Variants in C6orf132 observed in about 807,000 individuals in gnomAD.
The protein encoded by C6orf132 is chromosome 6 open reading frame 132, also known as uncharacterized protein C6orf132.
Under a neutral mutation model 65.3 loss-of-function variants are expected in C6orf132, and 43 were observed. That is an observed-to-expected ratio of 0.66 (90% CI 0.52 to 0.85). The LOEUF (loss-of-function observed/expected upper bound fraction) is 0.85, where lower values mean the gene tolerates loss of function less well. C6orf132 is among the 40% of genes least tolerant of loss of function. C6orf132 has a pLI of 0.00. For missense variants in C6orf132, 1,488 were observed against 1,548.8 expected (o/e 0.96, Z 0.66); for synonymous variants, 631 against 654.1 (o/e 0.96, Z 0.54).
chr6:42,137,326 G>A (rs1234464533), intron 1 of C6orf132, among the ~76,000 whole-genome samples: 1 of 152,182 alleles, frequency 6.6e-6, no homozygotes, highest in Non-Finnish European at 1.5e-5. Flanking sequence ...ATACAATGGG[G>A]CGGCGGAGGG....
Position 42,106,383 on chromosome 6 carries a change from G to A in C6orf132, c.1529C>T (p.Pro510Leu), listed in dbSNP as rs1212705259. The change falls in exon 4 of 5, where the codon CCT becomes CTT. Residue 510 changes from proline (P) to leucine (L), a missense_variant. By Grantham distance (98) the Pro-to-Leu change is moderately conservative. Transcript: ENST00000341865. The part of the protein sequence containing the change: ...SKEGKKGPRL[P>L]EKETLLSLPA... ...CAGGCTCAGGAGAGTCTCCTTCTCA[G>A]GCAGGCGGGGGCCCTTCTTGCCCTC... is the stretch of plus-strand genomic sequence containing the variant. 2.6e-6 allele frequency: 4 copies of A among 1,535,926 alleles called. No individual in the cohort carries two copies. In the South Asian group the frequency reaches 4.8e-5, roughly 18 times the overall value.
chr6:42,120,337 C>T (rs1426920159), intron 2 of C6orf132, among the ~76,000 whole-genome samples: 25 of 150,060 alleles, frequency 1.7e-4, no homozygotes. Context: ...AGCTCCGCCT[C>T]CCGGGTTCAT....
At chr6:42,118,868 A>T (rs1400860747) in intron 2 of C6orf132, among the ~76,000 whole-genome samples, 1 of 113,202 alleles carries the variant, frequency 8.8e-6, no homozygotes, top group African/African-American at 3.5e-5. Flanking sequence ...CAGCCCTTTA[A>T]TTTTTTTTTT....
At chr6:42,107,650 A>AC (rs1766435853) in intron 3 of C6orf132, 67 bp from the exon 4 acceptor site, 4 of 1,544,586 alleles carry the variant, frequency 2.6e-6, no homozygotes, top group Non-Finnish European at 2.6e-6. Flanking sequence ...ATTTCTGTTT[A>AC]CCCAGGGCAG....
Position 42,104,326 on chromosome 6 carries a change from C to G in C6orf132, c.3449+137G>C. On this transcript the variant is annotated intron_variant, in intron 4 of 4. Transcript: ENST00000341865. This position sits in a 1 kb window ranked among gnomAD's most constrained non-coding sequence, Gnocchi z 4.1. ...CAGCGCCCTCTCCCGGTAAGTGGGC[C>G]TCCCTCCCGCGTTCTACCTGCAAGG... The G allele has an allele frequency of 1.6e-6, 2 of 1,216,384 alleles. No homozygotes were observed. The highest frequency in any genetic ancestry group is 2.0e-6 in the Non-Finnish European group (2 of 976,526). 75.3% of individuals were successfully genotyped at this position (1,216,384 alleles called of 1,614,324 possible). A position where few individuals can be genotyped will look rare whatever the true frequency, so the allele number is the denominator to read the frequency against.
At position 42,106,657 on chromosome 6, in the gene C6orf132, A is replaced by G; in HGVS notation, c.1255T>C (p.Cys419Arg). The stretch of plus-strand genomic sequence containing the variant: ...GGTGGATGGGCTGCCTTCTGAGCAC[A>G]GGGCAAAGGAGGTGCAGCTGGGGGA... ...PLPPAAPPLP[C>R]AQKAAHPPAG... Residue 419 changes from cysteine (C) to arginine (R), a missense_variant, in exon 4 of 5, where the codon TGT (cysteine) becomes CGT (arginine). By Grantham distance (180) the Cys-to-Arg change is radical (BLOSUM62 -3). Transcript: ENST00000341865. The G allele has an allele frequency of 7.2e-7, 1 of 1,390,734 alleles. No individual in the cohort carries two copies. Among genetic ancestry groups the G allele is most frequent in the South Asian group, 1.2e-5 (1 of 81,964 alleles). 86.1% of individuals were successfully genotyped at this position (1,390,734 alleles called of 1,614,324 possible).
rs1156356191 is a variant in C6orf132, at chr6:42,119,248, CAAAAAAAAAAAAAAA to C, written c.253-8972_253-8958del. Among the ~76,000 whole-genome samples, 3 of 44,774 alleles carry C rather than the reference CAAAAAAAAAAAAAAA, an allele frequency of 6.7e-5. No homozygotes were observed. In the East Asian group the frequency reaches 2.5e-3, roughly 37 times the overall value. 29.4% of individuals were successfully genotyped at this position (44,774 alleles called of 152,430 possible). A position where few individuals can be genotyped will look rare whatever the true frequency, so the allele number is the denominator to read the frequency against. On this transcript the variant is annotated intron_variant, in intron 2 of 4. Transcript: ENST00000341865. ...TGGGCACAAGAGCAAGACTCTGTCT[CAAAAAAAAAAAAAAA>C]AAAAAAAAAAAAGGGAGAATTCCTG... is the stretch of plus-strand genomic sequence containing the variant.
chr6:42,104,463 C>T lies in C6orf132; in HGVS notation c.3449G>A (p.Arg1150Lys). The T allele has an allele frequency of 8.1e-7, 1 of 1,230,974 alleles. No homozygotes were observed. Among genetic ancestry groups the T allele is most frequent in the Non-Finnish European group, 1.0e-6 (1 of 987,570 alleles). 76.3% of individuals were successfully genotyped at this position (1,230,974 alleles called of 1,614,324 possible). ...CGCACCAGCCGGGCCCGCAGCTCACCTGCCGGCAGCTGGGGCGAAGCCGTA... is the reference window on the plus strand; with the variant it reads ...CGCACCAGCCGGGCCCGCAGCTCACTTGCCGGCAGCTGGGGCGAAGCCGTA... ...ADYGFAPAAG[R>K]SPYTTTRYGS... Residue 1150 changes from arginine to lysine, a missense_variant and splice_region_variant, in exon 4 of 5, where the codon AGG (arginine) becomes AAG (lysine). By Grantham distance (26) the Arg-to-Lys change is conservative. Transcript: ENST00000341865. This position sits in a 1 kb window ranked among gnomAD's most constrained non-coding sequence, Gnocchi z 4.1.
chr6:42,107,409 G>T lies in C6orf132; in HGVS notation c.503C>A (p.Ser168Tyr). ...CAGGGGAGGTGGTGGGGGTGCTGTG[G>T]AAGGTGGAGATGGCAGTGGCGACCC... is the stretch of plus-strand genomic sequence containing the variant. ...PGGSPLPSPP[S>Y]TAPPPPPLLL... Residue 168 changes from serine to tyrosine, a missense_variant, in exon 4 of 5, where the codon TCC becomes TAC. Coordinates refer to ENST00000341865, the MANE Select transcript of C6orf132 (RefSeq NM_001164446.3). 1 of 1,462,232 alleles carries T rather than the reference G, an allele frequency of 6.8e-7. No homozygotes were observed. Among genetic ancestry groups the T allele is most frequent in the Non-Finnish European group, 9.2e-7 (1 of 1,085,444 alleles). 90.6% of individuals were successfully genotyped at this position (1,462,232 alleles called of 1,614,324 possible).
intron 2 of C6orf132, among the ~76,000 whole-genome samples, chr6:42,127,514 G>C (rs1252206252): frequency 1.3e-5 from 2 of 152,202 alleles, no homozygotes; most frequent in Non-Finnish European, 2.9e-5. Flanking sequence ...CAGGCAGGCA[G>C]TGCTAGGCAG....
intron 2 of C6orf132, among the ~76,000 whole-genome samples, chr6:42,128,122 T>C (rs1178368942): frequency 6.6e-6 from 1 of 151,592 alleles, no homozygotes; most frequent in Non-Finnish European, 1.5e-5. Flanking sequence ...GAGACAGGGT[T>C]TCACCGTGTT....
Position 42,107,105 on chromosome 6 carries a change from T to C in C6orf132, c.807A>G (p.Ala269=). 2 of 1,455,520 alleles carry C rather than the reference T, an allele frequency of 1.4e-6. No homozygotes were observed. Among genetic ancestry groups the C allele is most frequent in the Non-Finnish European group, 1.8e-6 (2 of 1,107,680 alleles). 90.2% of individuals were successfully genotyped at this position (1,455,520 alleles called of 1,614,324 possible). The change falls in exon 4 of 5, where the codon GCA becomes GCG. Residue 269 remains alanine, a synonymous_variant. Coordinates refer to ENST00000341865, the MANE Select transcript of C6orf132 (RefSeq NM_001164446.3). The stretch of plus-strand genomic sequence containing the variant: ...TCGGGGGGCTGGCTCTGGTGGCCTC[T>C]GCCTGCCTGCCATTCAGTGCTACAT... ...KSDVALNGRQ[A]EATRASPPRS...
intron 3 of C6orf132, among the ~76,000 whole-genome samples, chr6:42,109,144 G>A (rs1766459236): frequency 6.6e-6 from 1 of 152,064 alleles, no homozygotes; most frequent in Non-Finnish European, 1.5e-5. Flanking sequence ...AATTTAAATA[G>A]GGCAGTCCGG....
In C6orf132 at chr6:42,107,507, C is replaced by T; in HGVS notation, c.405G>A (p.Gln135=). The T allele has an allele frequency of 1.9e-6, 3 of 1,549,980 alleles. No homozygotes were observed. The highest frequency in any genetic ancestry group is 2.6e-6 in the Non-Finnish European group (3 of 1,146,404). Residue 135 remains glutamine (Q), a synonymous_variant, in exon 4 of 5, where the codon CAG becomes CAA. Coordinates refer to ENST00000341865, the MANE Select transcript of C6orf132 (RefSeq NM_001164446.3). ...VGDLRPGQYG[Q]DLLIPPPPPG... ...GGGGAGGTGGGGGGATGAGTAGATC[C>T]TGGCCATATTGTCCAGGCCTCAGGT... is the stretch of plus-strand genomic sequence containing the variant.
chr6:42,105,365 A>T lies in C6orf132; in HGVS notation c.2547T>A (p.Ala849=), dbSNP rs763204203. The change falls in exon 4 of 5, where the codon GCT becomes GCA. Residue 849 remains alanine (A), a synonymous_variant. Coordinates refer to ENST00000341865, the MANE Select transcript of C6orf132 (RefSeq NM_001164446.3). ...MALLLAARQR[A]QKGRSVGAAL... ...CAGCCCCTACAGACCTTCCCTTCTG[A>T]GCCCTCTGCCTGGCCGCCAGGAGCA... 1 of 1,536,278 alleles carries T rather than the reference A, an allele frequency of 6.5e-7. No individual in the cohort carries two copies. Among genetic ancestry groups the T allele is most frequent in the South Asian group, 1.2e-5 (1 of 84,058 alleles).
At position 42,119,085 on chromosome 6, in the gene C6orf132, G is replaced by GA. The variant is rs1300231395; in HGVS notation, c.253-8795dup. Among the ~76,000 whole-genome samples, 183 of 119,362 alleles carry GA rather than the reference G, an allele frequency of 1.5e-3. 2 individuals carry two copies. Among genetic ancestry groups the GA allele is most frequent in the African/African-American group, 4.9e-3 (153 of 31,478 alleles). 78.3% of individuals were successfully genotyped at this position (119,362 alleles called of 152,430 possible). On this transcript the variant is annotated intron_variant, in intron 2 of 4. Coordinates refer to ENST00000341865, the MANE Select transcript of C6orf132 (RefSeq NM_001164446.3). ...TCTCTACAAAAAAAAAAAAAAAAAAGAAAAAAAAAATAGGCAGGTGTGGGG... is the reference window on the plus strand; with the variant it reads ...TCTCTACAAAAAAAAAAAAAAAAAAGAAAAAAAAAAATAGGCAGGTGTGGGG...
intron 2 of C6orf132, among the ~76,000 whole-genome samples, chr6:42,116,404 A>G (rs1172431049): frequency 2.0e-5 from 3 of 152,002 alleles, no homozygotes; most frequent in Admixed American, 2.0e-4. Context: ...GCACCTTGCA[A>G]ACCCAGCTGG....
chr6:42,107,555 G>A lies in C6orf132; in HGVS notation c.357C>T (p.Leu119=). The A allele has an allele frequency of 6.4e-7, 1 of 1,550,954 alleles. No individual in the cohort carries two copies. Among genetic ancestry groups the A allele is most frequent in the Non-Finnish European group, 8.7e-7 (1 of 1,146,742 alleles). ...GGTCACCCACAGAGCTGTACAGTCGGAGGTTGCCATTGACTAGTGAGCTGG... is the reference window on the plus strand; with the variant it reads ...GGTCACCCACAGAGCTGTACAGTCGAAGGTTGCCATTGACTAGTGAGCTGG... ...TGTSSLVNGN[L]RLYSSVGDLR... Residue 119 remains leucine (L), a synonymous_variant, in exon 4 of 5, where the codon CTC becomes CTT. Coordinates refer to ENST00000341865, the MANE Select transcript of C6orf132 (RefSeq NM_001164446.3).
Position 42,107,339 on chromosome 6 carries a change from GGGT to G in C6orf132, c.570_572del (p.Pro192del). 1 of 1,246,550 alleles carries G rather than the reference GGGT, an allele frequency of 8.0e-7. No homozygotes were observed. Among genetic ancestry groups the G allele is most frequent in the Non-Finnish European group, 1.1e-6 (1 of 916,906 alleles). 77.2% of individuals were successfully genotyped at this position (1,246,550 alleles called of 1,614,324 possible). A position where few individuals can be genotyped will look rare whatever the true frequency, so the allele number is the denominator to read the frequency against. On this transcript the variant is annotated inframe_deletion, in exon 4 of 5. Coordinates refer to ENST00000341865, the MANE Select transcript of C6orf132 (RefSeq NM_001164446.3). ...GTGGGGATAGGGCCTCCAATACTGG[GGGT>G]GGAGGTGGGGCCATGCTGGGCGGGG...
Sources: allele counts gnomAD v4.1 joint callset (sites outside exome capture counted in the v4.1 genomes callset), GRCh38; gene constraint gnomAD v4.1.1; non-coding constraint Gnocchi (gnomAD v3.1); transcripts MANE v1.5; gene names NCBI Gene and HGNC (gene_info 2026-07-23, HGNC 2026-07-21).